Variants in EPC1 observed in about 807,000 individuals in gnomAD.
The protein encoded by EPC1 is enhancer of polycomb homolog 1.
A neutral mutation model predicts 98.4 loss-of-function variants in EPC1; 12 were observed. The ratio of observed to expected loss-of-function variants is 0.12; its 90% CI spans 0.08 to 0.20. EPC1 has a LOEUF of 0.20. Ranked by LOEUF, EPC1 falls within the 10% of genes least tolerant of loss-of-function variation. The pLI, the probability that EPC1 is intolerant of heterozygous loss-of-function variation, is 1.00. For synonymous variants in EPC1, 357 were observed against 363.9 expected, an observed-to-expected ratio of 0.98 and a Z score of 0.21; for missense variants, 729 against 990.5, an observed-to-expected ratio of 0.74 and a Z score of 3.54.
chr10:32,273,378 A>C, intron 10 of EPC1, 97 bp from the exon 11 acceptor site: 1 of 1,427,816 alleles, frequency 7.0e-7, no homozygotes. Context: ...TCTGTGCAAA[A>C]TTGAAGCATC....
intron 1 of EPC1, among the ~76,000 whole-genome samples, chr10:32,317,162 A>G (rs1355835108): frequency 6.6e-6 from 1 of 152,174 alleles, no homozygotes; most frequent in African/African-American, 2.4e-5. Flanking sequence ...TCACCAGAAT[A>G]TAAGATCCTT....
intron 1 of EPC1, among the ~76,000 whole-genome samples, chr10:32,367,501 AC>A (rs1385283150): frequency 6.6e-6 from 1 of 152,174 alleles, no homozygotes; most frequent in Non-Finnish European, 1.5e-5. Context: ...CATAATCATA[AC>A]AACTCAAAAT....
chr10:32,270,071 C>A (rs1390925544), intron 13 of EPC1, among the ~76,000 whole-genome samples: 1 of 152,170 alleles, frequency 6.6e-6, no homozygotes, highest in Non-Finnish European at 1.5e-5. Context: ...TTTCACTCAG[C>A]CTCAAATTTG....
rs1458363768 is a variant in EPC1, at chr10:32,268,379, T to C, written c.*684A>G. The stretch of plus-strand genomic sequence containing the variant: ...TTTAGCTTGTTACTTGTCCTAATGA[T>C]AGTAGACCAGGAAGATCCCCATTTA... On this transcript the variant is annotated 3_prime_UTR_variant, in exon 14 of 14. Coordinates refer to ENST00000319778, the MANE Select transcript of EPC1 (RefSeq NM_001272004.3). 6.6e-6 allele frequency: 1 copy of C among 151,334 alleles called. No homozygotes were observed. Among genetic ancestry groups the C allele is most frequent in the African/African-American group, 2.4e-5 (1 of 41,160 alleles). The allele number at this position is 151,334 out of a possible 1,614,324, so 9.4% of individuals were successfully genotyped here. A position where few individuals can be genotyped will look rare whatever the true frequency, so the allele number is the denominator to read the frequency against.
intron 1 of EPC1, among the ~76,000 whole-genome samples, chr10:32,355,573 A>G (rs1243710970): frequency 4.6e-5 from 7 of 151,494 alleles, no homozygotes; most frequent in African/African-American, 1.5e-4. Context: ...TAGAAAGACA[A>G]AAACAAAGAA....
rs1835270210 is a variant in EPC1, at chr10:32,297,926, T to C, written c.314-4189A>G. ...CATTCTCCTGCCTCGGCCTCCCGAG[T>C]AGCTGGGACTACAGGCGCCCGCCAC... On this transcript the variant is annotated intron_variant, in intron 2 of 13. Coordinates refer to ENST00000319778, the MANE Select transcript of EPC1 (RefSeq NM_001272004.3). Among the ~76,000 whole-genome samples, 3 of 151,972 alleles carry C rather than the reference T, an allele frequency of 2.0e-5. No individual in the cohort carries two copies. The East Asian group carries it at 5.8e-4, about 30-fold the overall frequency.
Position 32,275,614 on chromosome 10 carries a change from A to C in EPC1, c.1745-2333T>G, listed in dbSNP as rs28557037. On this transcript the variant is annotated intron_variant, in intron 10 of 13. Coordinates refer to ENST00000319778, the MANE Select transcript of EPC1 (RefSeq NM_001272004.3). ...ACCCCATCTCTACCAAAAAAAAAAA[A>C]CAAAAAAAAAATTAGCCGGGCGTGG... 7.7e-3 allele frequency among the ~76,000 whole-genome samples: 1,090 copies of C among 141,798 alleles called. 20 individuals carry two copies. The highest frequency in any genetic ancestry group is 0.027 in the African/African-American group (1,024 of 38,560). 93.0% of individuals were successfully genotyped at this position (141,798 alleles called of 152,430 possible).
chr10:32,303,734 G>A (rs1835711868), intron 2 of EPC1, among the ~76,000 whole-genome samples: 2 of 152,196 alleles, frequency 1.3e-5, no homozygotes, highest in South Asian at 4.1e-4. Context: ...TGGTTATGCA[G>A]GGCTATACAT....
chr10:32,373,735 C>G (rs1025591950), intron 1 of EPC1, among the ~76,000 whole-genome samples: 3 of 152,130 alleles, frequency 2.0e-5, no homozygotes, highest in Non-Finnish European at 4.4e-5. Flanking sequence ...CACTTTGTGA[C>G]TATGAGGAAA....
At chr10:32,288,650 C>G (rs563368405) in intron 6 of EPC1, among the ~76,000 whole-genome samples, 1 of 152,016 alleles carries the variant, frequency 6.6e-6, no homozygotes, top group East Asian at 1.9e-4. Flanking sequence ...TGCACCCGGC[C>G]TAAAGTAACT....
In EPC1 at chr10:32,273,157, C is replaced by T; in HGVS notation, c.1863+6G>A. ...GGGATAATCATAAGACAGACAAATC[C>T]CTCACCTGTGATGTGTTGGTGGAGG... On this transcript the variant is annotated splice_donor_region_variant and intron_variant, in intron 11 of 13. Coordinates refer to ENST00000319778, the MANE Select transcript of EPC1 (RefSeq NM_001272004.3). 1 of 1,614,042 alleles carries T rather than the reference C, an allele frequency of 6.2e-7. No homozygotes were observed. The highest frequency in any genetic ancestry group is 8.5e-7 in the Non-Finnish European group (1 of 1,179,982).
chr10:32,368,401 T>TC (rs1210506209), intron 1 of EPC1, among the ~76,000 whole-genome samples: 3 of 152,304 alleles, frequency 2.0e-5, no homozygotes, highest in Non-Finnish European at 4.4e-5. Context: ...CCACGTGTGT[T>TC]CTTCCATCTT....
At chr10:32,301,314 G>A (rs1417442573) in intron 2 of EPC1, among the ~76,000 whole-genome samples, 2 of 152,158 alleles carry the variant, frequency 1.3e-5, no homozygotes, top group East Asian at 3.8e-4. Context: ...CAAACATTGT[G>A]TTCATGACCT....
chr10:32,286,619 C>A, intron 9 of EPC1, 75 bp downstream of exon 9: 1 of 1,539,624 alleles, frequency 6.5e-7, no homozygotes, highest in Admixed American at 1.8e-5. Context: ...AGAGGGATTA[C>A]CTGACTTTAA....
At chr10:32,361,416 T>C (rs1839439336) in intron 1 of EPC1, among the ~76,000 whole-genome samples, 1 of 152,206 alleles carries the variant, frequency 6.6e-6, no homozygotes, top group African/African-American at 2.4e-5. Flanking sequence ...TTGAGCTGGT[T>C]ATTCTGAGAA....
chr10:32,327,009 A>C (rs1303328225), intron 1 of EPC1, among the ~76,000 whole-genome samples: 2 of 140,932 alleles, frequency 1.4e-5, no homozygotes, highest in Non-Finnish European at 3.2e-5. Context: ...AAAAAAAAAA[A>C]AAAAAAAAAT....
chr10:32,368,680 C>T (rs1051888895), intron 1 of EPC1, among the ~76,000 whole-genome samples: 2 of 152,150 alleles, frequency 1.3e-5, no homozygotes, highest in African/African-American at 2.4e-5. Context: ...AGATAATGAC[C>T]TATTCCAGGC....
chr10:32,329,109 T>G (rs1368031261), intron 1 of EPC1, among the ~76,000 whole-genome samples: 1 of 152,234 alleles, frequency 6.6e-6, no homozygotes, highest in Non-Finnish European at 1.5e-5. Flanking sequence ...AGATTGTACC[T>G]CCTGGCTCCT....
chr10:32,279,360 A>AG (rs1592538684), intron 10 of EPC1, among the ~76,000 whole-genome samples: 1 of 151,846 alleles, frequency 6.6e-6, no homozygotes, highest in African/African-American at 2.4e-5. Context: ...AAAAAAAAAA[A>AG]AAAGAAAAAA....
Sources: gnomAD v4.1 joint callset for allele counts (sites outside exome capture counted in the v4.1 genomes callset) on GRCh38, gnomAD v4.1.1 for gene constraint, MANE v1.5 for transcripts, NCBI Gene and HGNC (gene_info 2026-07-23, HGNC 2026-07-21) for gene names.